Variants in SRRM3 observed in about 807,000 individuals in gnomAD.
SRRM3 encodes serine/arginine repetitive matrix protein 3.
A neutral mutation model predicts 66.2 loss-of-function variants in SRRM3; 27 were observed. That is an observed-to-expected ratio of 0.41 (90% CI 0.30 to 0.56). The LOEUF is 0.56. SRRM3 is among the 20% of genes least tolerant of loss of function. The pLI is 0.32. For synonymous variants in SRRM3, 391 were observed against 414.9 expected, an observed-to-expected ratio of 0.94 and a Z score of 0.70; for missense variants, 918 against 991.9, an observed-to-expected ratio of 0.93 and a Z score of 1.00.
intron 1 of SRRM3, among the ~76,000 whole-genome samples, chr7:76,210,492 A>T (rs569922189): frequency 1.8e-4 from 27 of 152,260 alleles, no homozygotes; most frequent in Admixed American, 1.7e-3. Flanking sequence ...TCATTCATTC[A>T]TTCATCACAC....
Position 76,216,327 on chromosome 7 carries a change from G to A in SRRM3, c.-40+14260G>A, listed in dbSNP as rs562226866. ...CTCCCAAAGTGCTGGGATTACAGGC[G>A]TGAGCCACCGTGCCTGCCCCCAGGC... On this transcript the variant is annotated intron_variant, in intron 1 of 14. Coordinates refer to ENST00000611745, the MANE Select transcript of SRRM3 (RefSeq NM_001110199.3). Among the ~76,000 whole-genome samples the A allele has an allele frequency of 1.3e-4, 20 of 151,618 alleles. No individual in the cohort carries two copies. The South Asian group carries it at 4.0e-3, about 30-fold the overall frequency.
chr7:76,262,611 C>G (rs1340273599), intron 8 of SRRM3, among the ~76,000 whole-genome samples: 1 of 150,988 alleles, frequency 6.6e-6, no homozygotes, highest in East Asian at 1.9e-4. Flanking sequence ...CATTTGAAGT[C>G]AGGACTTTGA....
intron 11 of SRRM3, among the ~76,000 whole-genome samples, chr7:76,275,105 C>CAAA (rs199917871): frequency 5.8e-5 from 5 of 85,626 alleles, no homozygotes; most frequent in African/African-American, 1.8e-4. Flanking sequence ...GACTCAGTCT[C>CAAA]AAAAAAAAAA....
At chr7:76,217,390 TTC>T (rs1342137574) in intron 1 of SRRM3, among the ~76,000 whole-genome samples, 17 of 152,182 alleles carry the variant, frequency 1.1e-4, no homozygotes, top group African/African-American at 4.1e-4. Context: ...GTTCAAGCGA[TTC>T]TCCTGCCTCA....
chr7:76,277,157 C>G lies in SRRM3; in HGVS notation c.1009-4284C>G, dbSNP rs1002156465. Among the ~76,000 whole-genome samples, 45 of 152,172 alleles carry G rather than the reference C, an allele frequency of 3.0e-4. 2 individuals carry two copies. The highest frequency in any genetic ancestry group is 5.9e-5 in the Non-Finnish European group (4 of 68,036). ...GAACTTGGTCTTCAAAAATAGCAGG[C>G]AGGAAGGATCTGGATCAGCACAGGG... On this transcript the variant is annotated intron_variant, in intron 11 of 14. Coordinates refer to ENST00000611745, the MANE Select transcript of SRRM3 (RefSeq NM_001110199.3).
At chr7:76,241,248 C>T (rs2117011837) in intron 2 of SRRM3, among the ~76,000 whole-genome samples, 1 of 152,304 alleles carries the variant, frequency 6.6e-6, no homozygotes, top group South Asian at 2.1e-4. Context: ...GCCAGCCTTC[C>T]TGCATGGCCC....
At chr7:76,276,085 AATAT>A (rs10549356) in intron 11 of SRRM3, among the ~76,000 whole-genome samples, 4 of 148,158 alleles carry the variant, frequency 2.7e-5, no homozygotes, top group Admixed American at 6.7e-5. Context: ...CATCTCAAAA[AATAT>A]ATATATATAT....
chr7:76,276,628 G>C (rs1424698652), intron 11 of SRRM3, among the ~76,000 whole-genome samples: 1 of 152,166 alleles, frequency 6.6e-6, no homozygotes, highest in Non-Finnish European at 1.5e-5. Context: ...CTGGAGGGGA[G>C]GTTCGGAGGT....
chr7:76,254,888 C>T (rs1801667616), intron 3 of SRRM3, among the ~76,000 whole-genome samples: 2 of 151,734 alleles, frequency 1.3e-5, no homozygotes, highest in African/African-American at 2.4e-5. Flanking sequence ...GGAAGAGGAG[C>T]ATGGAAAAGA....
chr7:76,270,309 A>G (rs1293846700), intron 11 of SRRM3, among the ~76,000 whole-genome samples: 1 of 152,214 alleles, frequency 6.6e-6, no homozygotes, highest in Non-Finnish European at 1.5e-5. Flanking sequence ...TCAGATCCTT[A>G]GGAAACTGTG....
intron 11 of SRRM3, among the ~76,000 whole-genome samples, chr7:76,270,820 A>C (rs1260941856): frequency 6.6e-6 from 1 of 151,812 alleles, no homozygotes; most frequent in Non-Finnish European, 1.5e-5. Flanking sequence ...TCTCGGAAAA[A>C]AAAAAAAAAT....
At chr7:76,212,212 G>A (rs1800450924) in intron 1 of SRRM3, among the ~76,000 whole-genome samples, 1 of 145,102 alleles carries the variant, frequency 6.9e-6, no homozygotes, top group South Asian at 2.2e-4. Context: ...TCGGGTTGGA[G>A]TGCAGTGGCA....
chr7:76,234,192 G>GGTGTGTGTGTGTGTGT (rs1554604517), intron 1 of SRRM3, among the ~76,000 whole-genome samples: 4 of 132,280 alleles, frequency 3.0e-5, no homozygotes, highest in African/African-American at 1.5e-4. Context: ...AGAAGTCCTT[G>GGTGTGTGTGTGTGTGT]GAGTGTGTGT....
chr7:76,238,385 C>T (rs1334062703), intron 2 of SRRM3, among the ~76,000 whole-genome samples: 1 of 152,162 alleles, frequency 6.6e-6, no homozygotes, highest in Non-Finnish European at 1.5e-5. Context: ...TTACCGGGTT[C>T]TCGGGCATTT....
chr7:76,269,444 A>G (rs559226885), intron 11 of SRRM3: 24 of 152,106 alleles, frequency 1.6e-4, no homozygotes, highest in Non-Finnish European at 3.5e-4. Context: ...CAGAAAAGTG[A>G]GATGGGGGAT....
chr7:76,218,226 G>T (rs1800616534), intron 1 of SRRM3, among the ~76,000 whole-genome samples: 1 of 152,206 alleles, frequency 6.6e-6, no homozygotes, highest in South Asian at 2.1e-4. Context: ...CTCAAGGCCA[G>T]CTTGGGAGGG....
chr7:76,250,388 C>A (rs1009387048), intron 3 of SRRM3, among the ~76,000 whole-genome samples: 3 of 152,070 alleles, frequency 2.0e-5, no homozygotes, highest in Non-Finnish European at 4.4e-5. Flanking sequence ...CCCACCATGA[C>A]GCCCCGCTAA....
At chr7:76,279,308 C>T (rs994118667) in intron 11 of SRRM3, among the ~76,000 whole-genome samples, 1 of 151,908 alleles carries the variant, frequency 6.6e-6, no homozygotes, top group Non-Finnish European at 1.5e-5. Flanking sequence ...GGTCCAGGCA[C>T]CACCTGGCTT....
intron 2 of SRRM3, among the ~76,000 whole-genome samples, chr7:76,237,007 G>A (rs1583894160): frequency 1.3e-5 from 2 of 152,094 alleles, no homozygotes; most frequent in East Asian, 3.9e-4. Context: ...ACCAGCTCAC[G>A]TGGCTCCCGG....
Sources: gnomAD v4.1 joint callset for allele counts (sites outside exome capture counted in the v4.1 genomes callset) on GRCh38, gnomAD v4.1.1 for gene constraint, MANE v1.5 for transcripts, NCBI Gene and HGNC (gene_info 2026-07-23, HGNC 2026-07-21) for gene names.